GPR158: variants seen among roughly 807,000 people sequenced by gnomAD.
GPR158 encodes the protein G protein-coupled receptor 158, also known as metabotropic glycine receptor.
Under a neutral mutation model 78.2 loss-of-function variants are expected in GPR158, and 30 were observed. The observed-to-expected ratio is 0.38, with a 90% CI of 0.29 to 0.52. The LOEUF is 0.52. GPR158 is among the 20% of genes least tolerant of loss of function. GPR158 has a pLI of 0.83. For synonymous variants in GPR158, 581 were observed against 591.1 expected, an observed-to-expected ratio of 0.98 and a Z score of 0.25; for missense variants, 1,463 against 1,523.5, an observed-to-expected ratio of 0.96 and a Z score of 0.66.
chr10:25,341,596 T>G (rs1855303120), intron 2 of GPR158, among the ~76,000 whole-genome samples: 1 of 151,992 alleles, frequency 6.6e-6, no homozygotes, highest in Non-Finnish European at 1.5e-5. Flanking sequence ...TGTATTGCAG[T>G]GGGAGTGCCC....
At chr10:25,443,267 T>C (rs949778833) in intron 4 of GPR158, among the ~76,000 whole-genome samples, 1 of 152,112 alleles carries the variant, frequency 6.6e-6, no homozygotes, top group African/African-American at 2.4e-5. Context: ...AAAAATTTTT[T>C]TGTGAGGCTG....
At chr10:25,316,931 GTGTA>G (rs1854862726) in intron 2 of GPR158, among the ~76,000 whole-genome samples, 1 of 95,628 alleles carries the variant, frequency 1.0e-5, no homozygotes, top group African/African-American at 3.1e-5. Context: ...GTGTATGTGT[GTGTA>G]TATATATATA....
intron 4 of GPR158, among the ~76,000 whole-genome samples, chr10:25,439,329 C>A (rs1039921126): frequency 3.3e-5 from 5 of 152,148 alleles, no homozygotes; most frequent in African/African-American, 1.2e-4. Context: ...GAGACGTATT[C>A]ACTACCATGA....
intron 2 of GPR158, among the ~76,000 whole-genome samples, chr10:25,227,353 T>C (rs959727922): frequency 6.6e-6 from 1 of 152,206 alleles, no homozygotes; most frequent in African/African-American, 2.4e-5. Flanking sequence ...TTCTTTGTTG[T>C]CTAGACATCT....
At chr10:25,228,631 A>G (rs1216407852) in intron 2 of GPR158, among the ~76,000 whole-genome samples, 1 of 152,182 alleles carries the variant, frequency 6.6e-6, no homozygotes, top group African/African-American at 2.4e-5. Context: ...GCATGTATGG[A>G]GTAGATGAGT....
rs532843067 is a variant in GPR158 at position 25,301,940 on chromosome 10, A to G, written c.1008+80783A>G. On this transcript the variant is annotated intron_variant, in intron 2 of 10. Transcript: ENST00000376351. ...GCTGGTCTGATTTCTATCACTATGG[A>G]TTTGGCTGTTTTAGAATTTCATGTA... 3.2e-4 allele frequency among the ~76,000 whole-genome samples: 48 copies of G among 151,704 alleles called. No individual in the cohort carries two copies. The South Asian group carries it at 3.7e-3, about 12-fold the overall frequency.
chr10:25,263,993 G>A (rs1294923561), intron 2 of GPR158, among the ~76,000 whole-genome samples: 1 of 152,104 alleles, frequency 6.6e-6, no homozygotes, highest in Non-Finnish European at 1.5e-5. Context: ...ATTATCCTTT[G>A]GAGACTTTTT....
At chr10:25,337,676 T>A (rs1332621239) in intron 2 of GPR158, among the ~76,000 whole-genome samples, 1 of 152,028 alleles carries the variant, frequency 6.6e-6, no homozygotes, top group Non-Finnish European at 1.5e-5. Flanking sequence ...TGATGAGTCA[T>A]AGGGTGGGCA....
At chr10:25,258,825 A>G (rs1853927261) in intron 2 of GPR158, among the ~76,000 whole-genome samples, 1 of 152,220 alleles carries the variant, frequency 6.6e-6, no homozygotes, top group Non-Finnish European at 1.5e-5. Context: ...CAAAAAGTTA[A>G]CTACTAATAG....
At chr10:25,512,529 T>A (rs897854107) in intron 5 of GPR158, among the ~76,000 whole-genome samples, 4 of 152,146 alleles carry the variant, frequency 2.6e-5, no homozygotes, top group Non-Finnish European at 5.9e-5. Flanking sequence ...TTTATTTCTT[T>A]CTCTTCTCTG....
chr10:25,230,131 A>C (rs1258020714), intron 2 of GPR158, among the ~76,000 whole-genome samples: 1 of 152,206 alleles, frequency 6.6e-6, no homozygotes, highest in Non-Finnish European at 1.5e-5. Context: ...GACTAAAAAG[A>C]TATTGCGGGG....
At chr10:25,514,164 T>C (rs1442388365) in intron 5 of GPR158, among the ~76,000 whole-genome samples, 2 of 152,184 alleles carry the variant, frequency 1.3e-5, no homozygotes, top group African/African-American at 4.8e-5. Context: ...GGTCTAGTAT[T>C]GTTTTATAAA....
chr10:25,563,420 G>C (rs780428845), intron 6 of GPR158, among the ~76,000 whole-genome samples: 16 of 152,154 alleles, frequency 1.1e-4, no homozygotes, highest in Middle Eastern at 3.4e-3. Context: ...CTACCTTTTA[G>C]TTTCCATTTA....
chr10:25,176,151 G>A lies in GPR158; in HGVS notation c.731G>A (p.Arg244Gln). ...CGCCGCGGCCCCAATCAGGGGCCCC[G>A]GGGCCTGGGCCACAGCTGGCGGCGC... ...LHRRGPNQGP[R>Q]GLGHSWRRKD... Residue 244 changes from arginine to glutamine, a missense_variant, in exon 1 of 11, where the codon CGG becomes CAG. Transcript: ENST00000376351. The surrounding 1 kb of genome is among the most constrained non-coding windows in gnomAD (Gnocchi z 6.3). 3.2e-6 allele frequency: 5 copies of A among 1,573,584 alleles called. No homozygotes were observed. The highest frequency in any genetic ancestry group is 3.4e-6 in the Non-Finnish European group (4 of 1,161,010).
At position 25,305,375 on chromosome 10, in the gene GPR158, CAA is replaced by C. The variant is rs1268529640; in HGVS notation, c.1008+84219_1008+84220del. On this transcript the variant is annotated intron_variant, in intron 2 of 10. Coordinates refer to ENST00000376351, the MANE Select transcript of GPR158 (RefSeq NM_020752.3). ...GTGTGTTAAGTGCTAGAGATACTGA[CAA>C]GAGTAAGATTACATCACAGTTTCCA... 8.5e-5 allele frequency among the ~76,000 whole-genome samples: 13 copies of C among 152,134 alleles called. No homozygotes were observed. In the South Asian group the frequency reaches 1.9e-3, roughly 22 times the overall value.
chr10:25,521,238 G>A (rs989504455), intron 5 of GPR158, among the ~76,000 whole-genome samples: 2 of 152,296 alleles, frequency 1.3e-5, no homozygotes, highest in African/African-American at 2.4e-5. Flanking sequence ...CACGGTGCAC[G>A]CACCCACTGG....
At chr10:25,403,501 G>A (rs1432137216) in intron 3 of GPR158, among the ~76,000 whole-genome samples, 1 of 151,986 alleles carries the variant, frequency 6.6e-6, no homozygotes, top group African/African-American at 2.4e-5. Context: ...TTTGTCTTCA[G>A]GAAGTATTTG....
In GPR158 at chr10:25,586,390, A is replaced by AT. The variant is rs1564498202; in HGVS notation, c.1754-2617_1754-2616insT. 4.6e-5 allele frequency among the ~76,000 whole-genome samples: 6 copies of AT among 130,942 alleles called. 1 individual carries two copies. Among genetic ancestry groups the AT allele is most frequent in the African/African-American group, 5.7e-5 (2 of 35,062 alleles). The allele number at this position is 130,942 out of a possible 152,430, so 85.9% of individuals were successfully genotyped here. On this transcript the variant is annotated intron_variant, in intron 7 of 10. Transcript: ENST00000376351. The stretch of plus-strand genomic sequence containing the variant: ...CCAGGGTTGTAAGTAGGTATGTGTG[A>AT]ATTTTTTTTTTTTTTTTTTTTTTTT...
chr10:25,516,090 T>C (rs1040427098), intron 5 of GPR158, among the ~76,000 whole-genome samples: 1 of 151,842 alleles, frequency 6.6e-6, no homozygotes, highest in Non-Finnish European at 1.5e-5. Context: ...TATCTCATAG[T>C]GGTTTTGATT....
Sources: allele counts gnomAD v4.1 joint callset (sites outside exome capture counted in the v4.1 genomes callset), GRCh38; gene constraint gnomAD v4.1.1; non-coding constraint Gnocchi (gnomAD v3.1); transcripts MANE v1.5; gene names NCBI Gene and HGNC (gene_info 2026-07-23, HGNC 2026-07-21).